The following ATG7 variants were observed in gnomAD, a reference collection of about 807,000 sequenced individuals.
The protein encoded by ATG7 is autophagy related 7.
ATG7 carries 70 observed loss-of-function variants against 82.4 expected under a neutral mutation model. That is an observed-to-expected ratio of 0.85 (90% CI 0.70 to 1.04). The LOEUF (loss-of-function observed/expected upper bound fraction) is 1.04, where lower values mean the gene tolerates loss of function less well. Ranked by LOEUF, ATG7 falls within the 50% of genes least tolerant of loss-of-function variation. The probability of loss-of-function intolerance (pLI) is 0.00; values close to 1 mark genes in which losing one functional copy is unlikely to be tolerated. For missense variants in ATG7, 792 were observed against 864.3 expected, an observed-to-expected ratio of 0.92 and a Z score of 1.05; for synonymous variants, 287 against 313.0, an observed-to-expected ratio of 0.92 and a Z score of 0.88.
intron 20 of ATG7, 37 bp downstream of exon 20, chr3:11,426,963 C>T: frequency 6.5e-7 from 1 of 1,541,058 alleles, no homozygotes; most frequent in Non-Finnish European, 8.7e-7. Flanking sequence ...TGAAGACTGA[C>T]ATGCTTAAAA....
At chr3:11,505,589 T>G (rs1178255964) in intron 20 of ATG7, among the ~76,000 whole-genome samples, 1 of 152,138 alleles carries the variant, frequency 6.6e-6, no homozygotes, top group Non-Finnish European at 1.5e-5. Context: ...AGTCCTTACC[T>G]CCGACCGCAA....
At chr3:11,529,714 T>G (rs1257414697) in intron 20 of ATG7, 2 of 152,800 alleles carry the variant, frequency 1.3e-5, no homozygotes, top group Non-Finnish European at 1.5e-5. Flanking sequence ...AACGTCCTGG[T>G]CTCTTCAGTG....
chr3:11,574,785 ATGTGTGTGTGTGTGTGTGTGTGTGTGTG>A, the ATG7 span, among the ~76,000 whole-genome samples: 2 of 121,700 alleles, frequency 1.6e-5, no homozygotes, highest in Admixed American at 8.3e-5. Flanking sequence ...TCAACTATAT[ATGTGTGTGTGTGTGTGTGTGTGTGTGTG>A]TGTGTGTGTG....
chr3:11,473,875 A>T (rs1032655350), intron 20 of ATG7, among the ~76,000 whole-genome samples: 5 of 152,216 alleles, frequency 3.3e-5, no homozygotes, highest in Non-Finnish European at 7.3e-5. Context: ...GTTGAACCCC[A>T]AAACATCAGC....
At chr3:11,530,409 C>T (rs1296027026) in intron 20 of ATG7, among the ~76,000 whole-genome samples, 10 of 152,068 alleles carry the variant, frequency 6.6e-5, no homozygotes, top group Admixed American at 3.9e-4. Context: ...AGCTTGGGTA[C>T]AGGAGTGTAG....
At chr3:11,322,628 C>T (rs1218889641) in intron 9 of ATG7, among the ~76,000 whole-genome samples, 1 of 152,066 alleles carries the variant, frequency 6.6e-6, no homozygotes, top group African/African-American at 2.4e-5. Context: ...TACACAACAT[C>T]CTTTTTAATG....
rs1460177874 is a variant in ATG7 at position 11,308,753 on chromosome 3, G to A, written c.334-231G>A. On this transcript the variant is annotated intron_variant, in intron 6 of 20. Transcript: ENST00000693202. The stretch of plus-strand genomic sequence containing the variant: ...CCCTCGGTGCTGAGATCTGCTGAGA[G>A]GAGGCGCCTGGGTTCCCTCACTTGG... The A allele has an allele frequency of 5.2e-6, 3 of 574,290 alleles. No homozygotes were observed. In the Admixed American group the frequency reaches 9.2e-5, roughly 18 times the overall value. 35.6% of individuals were successfully genotyped at this position (574,290 alleles called of 1,614,324 possible). A position where few individuals can be genotyped will look rare whatever the true frequency, so the allele number is the denominator to read the frequency against.
chr3:11,278,157 A>G lies in ATG7; in HGVS notation c.-365-2837A>G, dbSNP rs180974272. Among the ~76,000 whole-genome samples, 756 of 152,312 alleles carry G rather than the reference A, an allele frequency of 5.0e-3. 4 individuals are homozygous for G. The highest frequency in any genetic ancestry group is 8.1e-3 in the Non-Finnish European group (554 of 68,028). ...TATTGTTTAAACACACATGTTTTAC[A>G]ATCAATTTGTACAGTTAACACAATA... is the stretch of plus-strand genomic sequence containing the variant. On this transcript the variant is annotated intron_variant, in intron 1 of 20. Coordinates refer to ENST00000693202, the MANE Select transcript of ATG7 (RefSeq NM_001349232.2).
chr3:11,415,724 A>AT (rs1306566267), intron 19 of ATG7, among the ~76,000 whole-genome samples: 4 of 150,908 alleles, frequency 2.7e-5, no homozygotes, highest in Admixed American at 6.6e-5. Context: ...GTCATCTCTT[A>AT]TGATAGCAAT....
intron 20 of ATG7, among the ~76,000 whole-genome samples, chr3:11,546,738 CT>C (rs2071325794): frequency 2.0e-5 from 3 of 152,184 alleles, no homozygotes; most frequent in Non-Finnish European, 4.4e-5. Context: ...TCCCTCATTC[CT>C]TGTGATGGGC....
At chr3:11,554,709 T>C in intron 20 of ATG7, 102 bp from the exon 21 acceptor site, 1 of 1,396,730 alleles carries the variant, frequency 7.2e-7, no homozygotes, top group Non-Finnish European at 9.9e-7. Flanking sequence ...GGAGTGGTTC[T>C]GCAGGTGGGA....
At chr3:11,531,795 T>A (rs1472368188) in intron 20 of ATG7, among the ~76,000 whole-genome samples, 1 of 149,188 alleles carries the variant, frequency 6.7e-6, no homozygotes, top group African/African-American at 2.5e-5. Flanking sequence ...GCCCAGGAGG[T>A]TGAGGCTGCA....
At chr3:11,503,612 TG>T (rs1163015542) in intron 20 of ATG7, among the ~76,000 whole-genome samples, 2 of 151,638 alleles carry the variant, frequency 1.3e-5, no homozygotes, top group Non-Finnish European at 2.9e-5. Flanking sequence ...AAAAATTAGC[TG>T]GGCATGGTGG....
chr3:11,368,641 A>G (rs1180268361), intron 18 of ATG7, among the ~76,000 whole-genome samples: 2 of 151,144 alleles, frequency 1.3e-5, no homozygotes, highest in Non-Finnish European at 2.9e-5. Flanking sequence ...AAAATTAGCC[A>G]GGTGTGGTGG....
chr3:11,568,794 G>A, the ATG7 span: 33 of 1,449,092 alleles, frequency 2.3e-5, no homozygotes, highest in African/African-American at 3.3e-4. The surrounding 1 kb of genome is among the most constrained non-coding windows in gnomAD (Gnocchi z 5.9). Flanking sequence ...GACTGTGCCC[G>A]AGAGAGCCCA....
chr3:11,453,938 G>A (rs1172434567), intron 20 of ATG7, among the ~76,000 whole-genome samples: 3 of 152,082 alleles, frequency 2.0e-5, no homozygotes, highest in South Asian at 4.2e-4. Flanking sequence ...TCCTCACAAG[G>A]GTTTTATGAG....
chr3:11,386,731 ATCT>A (rs2078345598), intron 19 of ATG7, among the ~76,000 whole-genome samples: 1 of 152,260 alleles, frequency 6.6e-6, no homozygotes, highest in African/African-American at 2.4e-5. Context: ...AAGGCCTCAA[ATCT>A]TCTATTTTAA....
intron 19 of ATG7, among the ~76,000 whole-genome samples, chr3:11,409,208 A>T (rs2080653926): frequency 6.6e-6 from 1 of 152,196 alleles, no homozygotes. Context: ...TTTGACTTAC[A>T]ATTTTTCAAT....
At chr3:11,552,652 G>T (rs2071919758) in intron 20 of ATG7, among the ~76,000 whole-genome samples, 1 of 152,170 alleles carries the variant, frequency 6.6e-6, no homozygotes, top group African/African-American at 2.4e-5. Flanking sequence ...GAAAATCCCT[G>T]AGTGGTTTTG....
Sources: gnomAD v4.1 joint callset for allele counts (sites outside exome capture counted in the v4.1 genomes callset) on GRCh38, gnomAD v4.1.1 for gene constraint, Gnocchi (gnomAD v3.1) non-coding constraint, MANE v1.5 for transcripts, NCBI Gene and HGNC (gene_info 2026-07-23, HGNC 2026-07-21) for gene names.